SEPTIN10: variants seen among roughly 807,000 people sequenced by gnomAD.
SEPTIN10 encodes the protein septin 10.
Under a neutral mutation model 54.8 loss-of-function variants are expected in SEPTIN10, and 66 were observed. The ratio of observed to expected loss-of-function variants is 1.21; its 90% CI spans 0.99 to 1.48. The LOEUF is 1.48. Ranked by LOEUF, SEPTIN10 falls within the 40% of genes most tolerant of loss-of-function variation. The pLI, the probability that SEPTIN10 is intolerant of heterozygous loss-of-function variation, is 0.00. For missense variants in SEPTIN10, 620 were observed against 545.6 expected (o/e 1.14, Z -1.36); for synonymous variants, 161 against 181.0 (o/e 0.89, Z 0.89).
intron 1 of SEPTIN10, among the ~76,000 whole-genome samples, chr2:109,598,403 A>T (rs1433517042): frequency 6.6e-6 from 1 of 152,126 alleles, no homozygotes; most frequent in Non-Finnish European, 1.5e-5. Flanking sequence ...CTTTTCCAAA[A>T]TTTTTATTAT....
At chr2:109,608,198 T>C (rs1373714230) in intron 1 of SEPTIN10, among the ~76,000 whole-genome samples, 1 of 152,214 alleles carries the variant, frequency 6.6e-6, no homozygotes, top group East Asian at 1.9e-4. Flanking sequence ...TCCTGCCAAA[T>C]AGTATATATG....
At chr2:109,565,907 A>C (rs2105211738) in intron 6 of SEPTIN10, 48 bp from the exon 7 acceptor site, 3 of 1,441,560 alleles carry the variant, frequency 2.1e-6, no homozygotes, top group Non-Finnish European at 2.9e-6. Context: ...GTGATAACTG[A>C]CTAGATAAAA....
chr2:109,613,306 A>G lies in SEPTIN10; in HGVS notation c.30+492T>C. 4 of 548,476 alleles carry G rather than the reference A, an allele frequency of 7.3e-6. No individual in the cohort carries two copies. The South Asian group carries it at 9.0e-5, about 12-fold the overall frequency. The allele number at this position is 548,476 out of a possible 1,614,324, so 34.0% of individuals were successfully genotyped here. Reference sequence around the variant, plus strand: ...TCAAGGCGGGAAAAAAACGGTTTAAAATCCCAATGGAGGAAAACTTGGACG... The same window carrying G: ...TCAAGGCGGGAAAAAAACGGTTTAAGATCCCAATGGAGGAAAACTTGGACG... On this transcript the variant is annotated intron_variant, in intron 1 of 10. Transcript: ENST00000397712.
At chr2:109,600,816 G>C (rs1558885345) in intron 1 of SEPTIN10, among the ~76,000 whole-genome samples, 1 of 152,146 alleles carries the variant, frequency 6.6e-6, no homozygotes, top group Non-Finnish European at 1.5e-5. Context: ...TCTAACAAAT[G>C]GCTAGAAATC....
At chr2:109,548,554 T>C (rs1681939232) in intron 9 of SEPTIN10, among the ~76,000 whole-genome samples, 2 of 151,872 alleles carry the variant, frequency 1.3e-5, no homozygotes, top group Non-Finnish European at 2.9e-5. Context: ...GGTGGGTGGA[T>C]TGCCTGAGCT....
At chr2:109,608,266 A>G (rs1056830736) in intron 1 of SEPTIN10, among the ~76,000 whole-genome samples, 2 of 152,214 alleles carry the variant, frequency 1.3e-5, no homozygotes, top group Non-Finnish European at 2.9e-5. Context: ...AGACTGGGAT[A>G]CAGTTTTCTC....
intron 9 of SEPTIN10, among the ~76,000 whole-genome samples, chr2:109,547,948 G>T (rs914638568): frequency 1.3e-5 from 2 of 152,136 alleles, no homozygotes; most frequent in Admixed American, 1.3e-4. Context: ...ATGTGCTGGG[G>T]TAACTGTGGG....
chr2:109,549,909 T>C (rs6718038), intron 9 of SEPTIN10, among the ~76,000 whole-genome samples: 48,398 of 152,104 alleles, frequency 0.32, 8,876 homozygotes, highest in Middle Eastern at 0.51. Context: ...TAGTTGACCA[T>C]GGGTAACTGA....
intron 9 of SEPTIN10, among the ~76,000 whole-genome samples, chr2:109,546,494 T>C (rs1681285776): frequency 6.6e-6 from 1 of 152,120 alleles, no homozygotes; most frequent in Non-Finnish European, 1.5e-5. Context: ...CATTGTGAAC[T>C]TTTCCTAGAG....
chr2:109,577,413 G>A (rs1689936299), intron 4 of SEPTIN10, among the ~76,000 whole-genome samples: 1 of 152,004 alleles, frequency 6.6e-6, no homozygotes, highest in Non-Finnish European at 1.5e-5. Flanking sequence ...GGCCAACATG[G>A]TGAAACCCTG....
At chr2:109,576,859 CAT>C (rs1239962577) in intron 4 of SEPTIN10, among the ~76,000 whole-genome samples, 1 of 152,022 alleles carries the variant, frequency 6.6e-6, no homozygotes, top group African/African-American at 2.4e-5. Flanking sequence ...GAAGATCTAA[CAT>C]ATATTTCATC....
In SEPTIN10 at chr2:109,590,258, G is replaced by A. The variant is rs1201613932; in HGVS notation, c.99+2793C>T. On this transcript the variant is annotated intron_variant, in intron 2 of 10. Coordinates refer to ENST00000397712, the MANE Select transcript of SEPTIN10 (RefSeq NM_144710.5). ...TGGTTGGCAGAATTCTCAGATGGTC[G>A]CTAACACCGATGCCCCTGGTGCACA... Among the ~76,000 whole-genome samples, 5 of 151,834 alleles carry A rather than the reference G, an allele frequency of 3.3e-5. No individual in the cohort carries two copies. In the East Asian group the frequency reaches 7.8e-4, roughly 24 times the overall value.
intron 3 of SEPTIN10, 118 bp from the exon 4 acceptor site, chr2:109,585,439 A>C: frequency 1.2e-6 from 1 of 836,620 alleles, no homozygotes; most frequent in Non-Finnish European, 1.9e-6. Flanking sequence ...GGTGCGCATG[A>C]AAGAAATACA....
chr2:109,597,941 C>G (rs185547526), intron 1 of SEPTIN10, among the ~76,000 whole-genome samples: 1 of 152,248 alleles, frequency 6.6e-6, no homozygotes, highest in African/African-American at 2.4e-5. Flanking sequence ...CCAACAGGCC[C>G]CTAGGTAACA....
chr2:109,580,850 C>T (rs1001926813), intron 4 of SEPTIN10, among the ~76,000 whole-genome samples: 4 of 152,192 alleles, frequency 2.6e-5, no homozygotes, highest in Non-Finnish European at 5.9e-5. Flanking sequence ...ACAAGTGTCC[C>T]GGGCAGAGCG....
At chr2:109,588,137 C>G (rs1349740274) in intron 2 of SEPTIN10, among the ~76,000 whole-genome samples, 1 of 151,438 alleles carries the variant, frequency 6.6e-6, no homozygotes, top group Non-Finnish European at 1.5e-5. Flanking sequence ...TAGAATTCTA[C>G]AGCCAATGAA....
intron 2 of SEPTIN10, 88 bp from the exon 3 acceptor site, chr2:109,585,926 A>G: frequency 1.1e-6 from 1 of 879,858 alleles, no homozygotes; most frequent in South Asian, 1.6e-5. Flanking sequence ...GGACAAATAT[A>G]TCAAATAAAT....
intron 1 of SEPTIN10, among the ~76,000 whole-genome samples, chr2:109,603,383 C>T (rs1697101499): frequency 6.6e-6 from 1 of 152,024 alleles, no homozygotes; most frequent in Non-Finnish European, 1.5e-5. Flanking sequence ...TACAGGCACA[C>T]ACCGCCACGC....
chr2:109,594,224 T>C (rs189019330), intron 1 of SEPTIN10, among the ~76,000 whole-genome samples: 30 of 152,098 alleles, frequency 2.0e-4, no homozygotes, highest in African/African-American at 5.8e-4. Flanking sequence ...CACAAGATAA[T>C]GAGGAAATGT....
Sources: gnomAD v4.1 joint callset for allele counts (sites outside exome capture counted in the v4.1 genomes callset) on GRCh38, gnomAD v4.1.1 for gene constraint, MANE v1.5 for transcripts, NCBI Gene and HGNC (gene_info 2026-07-23, HGNC 2026-07-21) for gene names.